Variants in RASGRP2 observed in about 807,000 individuals in gnomAD.
The protein encoded by RASGRP2 is RAS guanyl-releasing protein 2.
A neutral mutation model predicts 71.0 loss-of-function variants in RASGRP2; 44 were observed. The observed-to-expected ratio is 0.62, with a 90% confidence interval of 0.49 to 0.80. RASGRP2 has a LOEUF of 0.80. Among genes scored for constraint, RASGRP2 ranks in the 30% least tolerant of loss-of-function variants. The probability of loss-of-function intolerance (pLI) is 0.00; values close to 1 mark genes in which losing one functional copy is unlikely to be tolerated. For synonymous variants in RASGRP2, 350 were observed against 330.7 expected (o/e 1.06, Z -0.63); for missense variants, 663 against 813.4 (o/e 0.82, Z 2.25).
chr11:64,727,089 G>T lies in RASGRP2; in HGVS notation c.*49C>A. 1 of 464,380 alleles carries T rather than the reference G, an allele frequency of 2.2e-6. No homozygotes were observed. The highest frequency in any genetic ancestry group is 4.1e-6 in the Non-Finnish European group (1 of 242,780). The allele number at this position is 464,380 out of a possible 1,614,324, so 28.8% of individuals were successfully genotyped here. ...CCCCAGGCTCCCTGCTCTGGTTGAAGTATTTTCTCCAAGGCAGGAATGAGT... is the reference window on the plus strand; with the variant it reads ...CCCCAGGCTCCCTGCTCTGGTTGAATTATTTTCTCCAAGGCAGGAATGAGT... On this transcript the variant is annotated 3_prime_UTR_variant, in exon 17 of 17. Transcript: ENST00000394432.
rs1159523444 is a variant in RASGRP2 at position 64,739,640 on chromosome 11, G to C, written c.692C>G (p.Ala231Gly). The change falls in exon 7 of 17, where the codon GCG (alanine) becomes GGG (glycine). Residue 231 changes from alanine (A) to glycine (G), a missense_variant. Coordinates refer to ENST00000394432, the MANE Select transcript of RASGRP2 (RefSeq NM_001098671.2). This position sits in a 1 kb window ranked among gnomAD's most constrained non-coding sequence, Gnocchi z 4.2. ...CCGGGAGGGAGGGGCAGGCACCTCCGCCACGTGGACAAAGTGTGTGATGAC... is the reference window on the plus strand; with the variant it reads ...CCGGGAGGGAGGGGCAGGCACCTCCCCCACGTGGACAAAGTGTGTGATGAC... ...ALVITHFVHV[A>G]EKLLQLQNFN... The C allele has an allele frequency of 6.2e-7, 1 of 1,613,104 alleles. No individual in the cohort carries two copies. The highest frequency in any genetic ancestry group is 8.5e-7 in the Non-Finnish European group (1 of 1,179,350).
At chr11:64,737,480 C>A (rs768668823) in intron 8 of RASGRP2, among the ~76,000 whole-genome samples, 18 of 151,832 alleles carry the variant, frequency 1.2e-4, no homozygotes, top group Admixed American at 2.6e-4. Flanking sequence ...ACCATCTTGG[C>A]CAACATGGTG....
Position 64,742,035 on chromosome 11 carries a change from G to T in RASGRP2, c.151C>A (p.Gln51Lys). 1 of 1,611,650 alleles carries T rather than the reference G, an allele frequency of 6.2e-7. No homozygotes were observed. The change falls in exon 3 of 17, where the codon CAG becomes AAG. Residue 51 changes from glutamine (Q) to lysine (K), a missense_variant. Coordinates refer to ENST00000394432, the MANE Select transcript of RASGRP2 (RefSeq NM_001098671.2). This position sits in a 1 kb window ranked among gnomAD's most constrained non-coding sequence, Gnocchi z 4.7. Reference sequence around the variant, plus strand: ...ATGTGGAGCAGCTTGGCCGCCAGCTGAGAGGAGGGGATGTACCAGGGGTGC... The same window carrying T: ...ATGTGGAGCAGCTTGGCCGCCAGCTTAGAGGAGGGGATGTACCAGGGGTGC... ...MMHPWYIPSS[Q>K]LAAKLLHIYQ...
rs989064803 is a variant in RASGRP2 at position 64,742,255 on chromosome 11, G to A, written c.74-143C>T. 5.4e-5 allele frequency: 39 copies of A among 718,570 alleles called. No individual in the cohort carries two copies. Among genetic ancestry groups the A allele is most frequent in the Non-Finnish European group, 5.6e-5 (22 of 394,428 alleles). 44.5% of individuals were successfully genotyped at this position (718,570 alleles called of 1,614,324 possible). On this transcript the variant is annotated intron_variant, in intron 2 of 16. Transcript: ENST00000394432. This position sits in a 1 kb window ranked among gnomAD's most constrained non-coding sequence, Gnocchi z 4.7. ...CTCCTGCTTGCCCAGGACTCCGAGA[G>A]CAGGAGGCAAATTAGAGAGGAAAGG...
At chr11:64,741,634 T>A in intron 3 of RASGRP2, 133 bp from the exon 4 acceptor site, 1 of 836,388 alleles carries the variant, frequency 1.2e-6, no homozygotes, top group Non-Finnish European at 2.0e-6. Context: ...ATGCTGGGGG[T>A]GAGGCTTGAG....
intron 9 of RASGRP2, 120 bp downstream of exon 9, chr11:64,736,633 C>T (rs1032164606): frequency 1.8e-5 from 21 of 1,152,570 alleles, no homozygotes; most frequent in Admixed American, 4.2e-5. Flanking sequence ...CCAGAGCCCA[C>T]GCTAGATCTC....
At chr11:64,732,995 A>G (rs1369548854) in intron 12 of RASGRP2, among the ~76,000 whole-genome samples, 3 of 150,654 alleles carry the variant, frequency 2.0e-5, no homozygotes, top group African/African-American at 7.3e-5. Context: ...TCTGGTGGCC[A>G]GTGCCTGTAA....
At position 64,735,233 on chromosome 11, in the gene RASGRP2, GCACGCAGAGGGA is replaced by G. The variant is rs748564156; in HGVS notation, c.1297-18_1297-7del. On this transcript the variant is annotated splice_region_variant and splice_polypyrimidine_tract_variant and intron_variant, in intron 11 of 16. Coordinates refer to ENST00000394432, the MANE Select transcript of RASGRP2 (RefSeq NM_001098671.2). This position sits in a 1 kb window ranked among gnomAD's most constrained non-coding sequence, Gnocchi z 4.2. ...TCAAAGTTCCGGAACACAGACTGGG[GCACGCAGAGGGA>G]CACGCAGAGCCAGAAGAGGGGAGAG... 13 of 1,607,206 alleles carry G rather than the reference GCACGCAGAGGGA, an allele frequency of 8.1e-6. No individual in the cohort carries two copies. The highest frequency in any genetic ancestry group is 8.5e-7 in the Non-Finnish European group (1 of 1,173,796).
chr11:64,741,457 T>C lies in RASGRP2; in HGVS notation c.221A>G (p.Lys74Arg). The C allele has an allele frequency of 6.3e-7, 1 of 1,575,424 alleles. No individual in the cohort carries two copies. The highest frequency in any genetic ancestry group is 8.6e-7 in the Non-Finnish European group (1 of 1,158,764). ...RKDNSNSLQV[K>R]TCHLVRYWIS... is the part of the protein sequence containing the mutation. ...GACTCACCTGACCAGGTGGCACGTT[T>C]TCACCTGCAGGGAATTGGAGTTGTC... The change falls in exon 4 of 17, where the codon AAA becomes AGA. Residue 74 changes from lysine (K) to arginine (R), a missense_variant. Physicochemically the swap from Lys to Arg is conservative, Grantham distance 26. Coordinates refer to ENST00000394432, the MANE Select transcript of RASGRP2 (RefSeq NM_001098671.2).
At position 64,743,987 on chromosome 11, in the gene RASGRP2, C is replaced by T. The variant is rs1158128058; in HGVS notation, c.-72+16G>A. The T allele has an allele frequency of 6.1e-6, 6 of 988,480 alleles. No homozygotes were observed. Among genetic ancestry groups the T allele is most frequent in the Non-Finnish European group, 7.2e-6 (6 of 831,084 alleles). 61.2% of individuals were successfully genotyped at this position (988,480 alleles called of 1,614,324 possible). On this transcript the variant is annotated intron_variant, in intron 1 of 16. Coordinates refer to ENST00000394432, the MANE Select transcript of RASGRP2 (RefSeq NM_001098671.2). The surrounding 1 kb of genome is among the most constrained non-coding windows in gnomAD (Gnocchi z 4.9). ...CCTGTGCACACCTGCACGAAGAAAC[C>T]CTCAGGCACACATACCCAGCTCGTC...
At chr11:64,741,896 GGGATAA>G (rs2058136414) in intron 3 of RASGRP2, 108 bp downstream of exon 3, 2 of 917,382 alleles carry the variant, frequency 2.2e-6, no homozygotes, top group African/African-American at 1.6e-5. Context: ...CCTGAGCTCT[GGGATAA>G]GGAGTGGCCT....
In RASGRP2 at chr11:64,743,737, A is replaced by AG. The variant is rs996868031; in HGVS notation, c.-72+265dup. ...AGCGCGCACGGAGCAGGGTGTCCAG[A>AG]GGGGGGCGCTCGCGCCAAGGGTGGC... On this transcript the variant is annotated intron_variant, in intron 1 of 16. Coordinates refer to ENST00000394432, the MANE Select transcript of RASGRP2 (RefSeq NM_001098671.2). This position sits in a 1 kb window ranked among gnomAD's most constrained non-coding sequence, Gnocchi z 4.9. 62 of 319,024 alleles carry AG rather than the reference A, an allele frequency of 1.9e-4. No individual in the cohort carries two copies. Among genetic ancestry groups the AG allele is most frequent in the Middle Eastern group, 4.1e-4 (1 of 2,428 alleles). The allele number at this position is 319,024 out of a possible 1,614,324, so 19.8% of individuals were successfully genotyped here. A position where few individuals can be genotyped will look rare whatever the true frequency, so the allele number is the denominator to read the frequency against.
chr11:64,727,219 A>T, intron 16 of RASGRP2, 77 bp downstream of exon 16: 1 of 1,326,074 alleles, frequency 7.5e-7, no homozygotes, highest in Non-Finnish European at 1.1e-6. Context: ...TGGATAAAGC[A>T]CCCATTTCCC....
chr11:64,732,469 C>T (rs556027537), intron 12 of RASGRP2, among the ~76,000 whole-genome samples: 8 of 151,640 alleles, frequency 5.3e-5, no homozygotes, highest in East Asian at 3.9e-4. Flanking sequence ...TACCAGCCTG[C>T]GCAACATGGT....
rs1324041634 is a variant in RASGRP2 at position 64,742,773 on chromosome 11, G to A, written c.73+21C>T. ...ACTCGGGGCTAGGCTCAGGCTCCGT[G>A]TGCCCTCCCGAGCCACTCACCGAAG... On this transcript the variant is annotated intron_variant, in intron 2 of 16. Transcript: ENST00000394432. The surrounding 1 kb of genome is among the most constrained non-coding windows in gnomAD (Gnocchi z 4.7). The A allele has an allele frequency of 6.3e-7, 1 of 1,593,528 alleles. No individual in the cohort carries two copies. The highest frequency in any genetic ancestry group is 8.5e-7 in the Non-Finnish European group (1 of 1,171,484).
rs1256651876 is a variant in RASGRP2, at chr11:64,743,684, G to A, written c.-72+319C>T. The A allele has an allele frequency of 2.6e-6, 1 of 389,528 alleles. No homozygotes were observed. Among genetic ancestry groups the A allele is most frequent in the South Asian group, 1.8e-5 (1 of 54,790 alleles). 24.1% of individuals were successfully genotyped at this position (389,528 alleles called of 1,614,324 possible). On this transcript the variant is annotated intron_variant, in intron 1 of 16. Transcript: ENST00000394432. This position sits in a 1 kb window ranked among gnomAD's most constrained non-coding sequence, Gnocchi z 4.9. ...CTCCCTATCCCCGGCTCCTGACCCT[G>A]GCCCCGGCCCCGCACAGGCGAACTG...
chr11:64,740,967 G>T lies in RASGRP2; in HGVS notation c.352C>A (p.Leu118Ile). The T allele has an allele frequency of 6.2e-7, 1 of 1,613,896 alleles. No homozygotes were observed. The highest frequency in any genetic ancestry group is 8.5e-7 in the Non-Finnish European group (1 of 1,179,976). The change falls in exon 5 of 17, where the codon CTA becomes ATA. Residue 118 changes from leucine to isoleucine, a missense_variant. Leu to Ile is a conservative substitution (Grantham distance 5). Transcript: ENST00000394432. ...DQEGNRRHSS[L>I]IDIDSVPTYK... ...ACGCACACGCTGTCTATGTCGATTAGGCTGCTGTGCCGTCGGTTCCCTTCT... is the reference window on the plus strand; with the variant it reads ...ACGCACACGCTGTCTATGTCGATTATGCTGCTGTGCCGTCGGTTCCCTTCT...
At chr11:64,740,807 G>A in intron 5 of RASGRP2, 141 bp downstream of exon 5, 4 of 1,128,666 alleles carry the variant, frequency 3.5e-6, no homozygotes, top group Non-Finnish European at 5.3e-6. Flanking sequence ...GAGGCATGTT[G>A]AAGGCAATAG....
intron 14 of RASGRP2, 22 bp downstream of exon 14, chr11:64,729,740 C>A: frequency 6.2e-7 from 1 of 1,613,672 alleles, no homozygotes. Flanking sequence ...GCCCAGCAGC[C>A]CTTCCAGTCA....
Sources: allele counts gnomAD v4.1 joint callset (sites outside exome capture counted in the v4.1 genomes callset), GRCh38; gene constraint gnomAD v4.1.1; non-coding constraint Gnocchi (gnomAD v3.1); transcripts MANE v1.5; gene names NCBI Gene and HGNC (gene_info 2026-07-23, HGNC 2026-07-21).